SMIM19: variants seen among roughly 807,000 people sequenced by gnomAD.
The protein encoded by SMIM19 is small integral membrane protein 19.
Under a neutral mutation model 13.2 loss-of-function variants are expected in SMIM19, and 6 were observed. That is an observed-to-expected ratio of 0.45 (90% confidence interval 0.25 to 0.90). SMIM19 has a LOEUF of 0.90. Ranked by LOEUF, SMIM19 falls within the 40% of genes least tolerant of loss-of-function variation. The probability of loss-of-function intolerance (pLI) is 0.19; values close to 1 mark genes in which losing one functional copy is unlikely to be tolerated. For synonymous variants in SMIM19, 46 were observed against 43.1 expected (o/e 1.07, Z -0.27); for missense variants, 138 against 131.0 (o/e 1.05, Z -0.26).
chr8:42,551,944 A>T (rs1813690114), intron 3 of SMIM19, among the ~76,000 whole-genome samples: 1 of 152,100 alleles, frequency 6.6e-6, no homozygotes, highest in Non-Finnish European at 1.5e-5. Context: ...ACACTGTCTC[A>T]AAAATAAATA....
At chr8:42,544,603 A>T (rs1285697365) in intron 1 of SMIM19, among the ~76,000 whole-genome samples, 1 of 150,928 alleles carries the variant, frequency 6.6e-6, no homozygotes, top group African/African-American at 2.5e-5. Context: ...TTCACGAGAC[A>T]AATCTTTATA....
At chr8:42,551,852 C>G (rs901472124) in intron 3 of SMIM19, among the ~76,000 whole-genome samples, 1 of 152,050 alleles carries the variant, frequency 6.6e-6, no homozygotes, top group Non-Finnish European at 1.5e-5. Flanking sequence ...GCTGACGTGG[C>G]AGGATTGTTT....
At chr8:42,551,642 A>T (rs1813678481) in intron 3 of SMIM19, among the ~76,000 whole-genome samples, 1 of 152,186 alleles carries the variant, frequency 6.6e-6, no homozygotes, top group African/African-American at 2.4e-5. Flanking sequence ...ATTACTAAAC[A>T]TTAATTTTAA....
Position 42,546,511 on chromosome 8 carries a change from T to C in SMIM19, c.39T>C (p.Ser13=). Residue 13 remains serine, a synonymous_variant, in exon 2 of 4, where the codon TCT becomes TCC. Coordinates refer to ENST00000417410, the MANE Select transcript of SMIM19 (RefSeq NM_001135674.2). ...GGYGVMGDDG[S]IDYTVHEAWN... is the part of the protein sequence containing the mutation. Reference sequence around the variant, plus strand: ...ATGGAGTGATGGGTGACGATGGTTCTATTGATTATACTGTTCACGAAGCCT... The same window carrying C: ...ATGGAGTGATGGGTGACGATGGTTCCATTGATTATACTGTTCACGAAGCCT... The C allele has an allele frequency of 6.2e-7, 1 of 1,613,888 alleles. No individual in the cohort carries two copies. The highest frequency in any genetic ancestry group is 2.2e-5 in the East Asian group (1 of 44,882).
chr8:42,544,286 C>T (rs1290944445), intron 1 of SMIM19, among the ~76,000 whole-genome samples: 1 of 151,990 alleles, frequency 6.6e-6, no homozygotes, highest in Non-Finnish European at 1.5e-5. Context: ...TGGTGGGCTC[C>T]TATAGTCCCA....
At chr8:42,546,412 C>T (rs1813483601) in intron 1 of SMIM19, 57 bp from the exon 2 acceptor site, 2 of 1,523,734 alleles carry the variant, frequency 1.3e-6, no homozygotes, top group South Asian at 1.4e-5. Context: ...AACCCTTCTC[C>T]AGACAGTGCT....
chr8:42,545,205 T>A (rs1040557751), intron 1 of SMIM19, among the ~76,000 whole-genome samples: 9 of 152,244 alleles, frequency 5.9e-5, no homozygotes, highest in African/African-American at 2.2e-4. Flanking sequence ...AAAGAAAAAT[T>A]CAGTTAACTT....
At chr8:42,549,676 A>G (rs939481094) in intron 3 of SMIM19, among the ~76,000 whole-genome samples, 2 of 152,276 alleles carry the variant, frequency 1.3e-5, no homozygotes, top group Middle Eastern at 3.4e-3. Context: ...AGCAATGCAA[A>G]TATATGTAAT....
chr8:42,550,555 G>A (rs972573795), intron 3 of SMIM19, among the ~76,000 whole-genome samples: 1 of 152,170 alleles, frequency 6.6e-6, no homozygotes, highest in African/African-American at 2.4e-5. Context: ...AAAGCCAGGA[G>A]CATTGCATCT....
Position 42,554,503 on chromosome 8 carries a change from A to G in SMIM19, c.*1895A>G, listed in dbSNP as rs1336822404. On this transcript the variant is annotated 3_prime_UTR_variant, in exon 4 of 4. Transcript: ENST00000417410. Reference sequence around the variant, plus strand: ...GTGTCCACTAGATAGAGATGGTCCTAACTACAAACTAGTAGATTATTTGAT... The same window carrying G: ...GTGTCCACTAGATAGAGATGGTCCTGACTACAAACTAGTAGATTATTTGAT... 6.6e-6 allele frequency: 1 copy of G among 152,262 alleles called. No individual in the cohort carries two copies. Among genetic ancestry groups the G allele is most frequent in the African/African-American group, 2.4e-5 (1 of 41,470 alleles). The allele number at this position is 152,262 out of a possible 1,614,324, so 9.4% of individuals were successfully genotyped here.
At chr8:42,550,311 G>A (rs1813630972) in intron 3 of SMIM19, among the ~76,000 whole-genome samples, 1 of 152,252 alleles carries the variant, frequency 6.6e-6, no homozygotes, top group South Asian at 2.1e-4. Context: ...AGGTGTATCA[G>A]TTTTCTATTG....
chr8:42,543,417 C>CA (rs1337024923), intron 1 of SMIM19, among the ~76,000 whole-genome samples: 1 of 152,198 alleles, frequency 6.6e-6, no homozygotes, highest in African/African-American at 2.4e-5. Flanking sequence ...GCAAATCTTT[C>CA]ACAACTACAC....
Position 42,554,009 on chromosome 8 carries a change from C to G in SMIM19, c.*1401C>G, listed in dbSNP as rs894930726. 2 of 151,620 alleles carry G rather than the reference C, an allele frequency of 1.3e-5. No homozygotes were observed. Among genetic ancestry groups the G allele is most frequent in the African/African-American group, 4.8e-5 (2 of 41,266 alleles). The allele number at this position is 151,620 out of a possible 1,614,324, so 9.4% of individuals were successfully genotyped here. On this transcript the variant is annotated 3_prime_UTR_variant, in exon 4 of 4. Transcript: ENST00000417410. ...AAAAAAAAAAAAAAGTTAATAATGG[C>G]TTCAAGTATTTCATTTTCCCCTTAT...
intron 3 of SMIM19, among the ~76,000 whole-genome samples, chr8:42,552,106 C>G (rs1813695748): frequency 6.6e-6 from 1 of 151,974 alleles, no homozygotes; most frequent in Admixed American, 6.6e-5. Flanking sequence ...TCCAAAGAAA[C>G]AAAATTGTTT....
chr8:42,544,137 C>T (rs905935378), intron 1 of SMIM19, among the ~76,000 whole-genome samples: 13 of 152,256 alleles, frequency 8.5e-5, no homozygotes, highest in South Asian at 4.2e-4. Flanking sequence ...ACCGGCCGGG[C>T]GCGGTGGCTC....
At chr8:42,544,721 G>T (rs1409857501) in intron 1 of SMIM19, among the ~76,000 whole-genome samples, 1 of 152,156 alleles carries the variant, frequency 6.6e-6, no homozygotes, top group African/African-American at 2.4e-5. Context: ...AAGGAGTACA[G>T]TATGTCCCCA....
At chr8:42,542,855 C>T (rs981798699) in intron 1 of SMIM19, among the ~76,000 whole-genome samples, 1 of 151,778 alleles carries the variant, frequency 6.6e-6, no homozygotes, top group South Asian at 2.1e-4. Context: ...TGGCACTTGC[C>T]TGTATTCCCA....
chr8:42,543,899 G>T (rs1813379728), intron 1 of SMIM19, among the ~76,000 whole-genome samples: 1 of 152,080 alleles, frequency 6.6e-6, no homozygotes, highest in Non-Finnish European at 1.5e-5. Context: ...GACACATAAA[G>T]TCATCTTTTT....
intron 3 of SMIM19, among the ~76,000 whole-genome samples, chr8:42,551,223 C>A (rs1813664789): frequency 6.7e-6 from 1 of 150,142 alleles, no homozygotes; most frequent in Admixed American, 6.7e-5. Context: ...GAGGCTGAGG[C>A]AGGAGAATGG....
Sources: allele counts gnomAD v4.1 joint callset (sites outside exome capture counted in the v4.1 genomes callset), GRCh38; gene constraint gnomAD v4.1.1; transcripts MANE v1.5; gene names NCBI Gene and HGNC (gene_info 2026-07-23, HGNC 2026-07-21).